CDIN1: variants seen among roughly 807,000 people sequenced by gnomAD.
The protein encoded by CDIN1 is CDAN1-interacting nuclease 1.
In CDIN1, 33 loss-of-function variants were observed where a neutral mutation model predicts 45.3. That is an observed-to-expected ratio of 0.73 (90% CI 0.55 to 0.97). The LOEUF (loss-of-function observed/expected upper bound fraction) is 0.97. Among genes scored for constraint, CDIN1 ranks in the 50% least tolerant of loss-of-function variants. CDIN1 has a pLI of 0.00. For missense variants in CDIN1, 303 were observed against 339.4 expected (o/e 0.89, Z 0.84); for synonymous variants, 118 against 124.4 (o/e 0.95, Z 0.34).
At chr15:36,582,758 A>T (rs2140153580) in intron 1 of CDIN1, among the ~76,000 whole-genome samples, 1 of 152,314 alleles carries the variant, frequency 6.6e-6, no homozygotes, top group East Asian at 1.9e-4. Context: ...ACAAATTTAA[A>T]AAAATTGTAC....
chr15:36,755,996 C>A, intron 10 of CDIN1: 1 of 452,396 alleles, frequency 2.2e-6, no homozygotes, highest in Middle Eastern at 3.3e-4. Context: ...GCCACACTTA[C>A]CAGGTCTTTA....
Position 36,705,409 on chromosome 15 carries a change from C to T in CDIN1, c.545-3814C>T, listed in dbSNP as rs1386287843. The stretch of plus-strand genomic sequence containing the variant: ...CCACTTTAAAAATATTACATTTGAT[C>T]AAATTTAAATATTTGCATAATTAAG... On this transcript the variant is annotated intron_variant, in intron 8 of 10. Coordinates refer to ENST00000566621, the MANE Select transcript of CDIN1 (RefSeq NM_001321759.2). 5 of 152,062 alleles carry T rather than the reference C, an allele frequency of 3.3e-5. No homozygotes were observed. In the South Asian group the frequency reaches 8.3e-4, roughly 25 times the overall value. The allele number at this position is 152,062 out of a possible 1,614,324, so 9.4% of individuals were successfully genotyped here. A position where few individuals can be genotyped will look rare whatever the true frequency, so the allele number is the denominator to read the frequency against.
intron 10 of CDIN1, among the ~76,000 whole-genome samples, chr15:36,774,775 C>T (rs1322273454): frequency 2.0e-5 from 3 of 152,006 alleles, no homozygotes; most frequent in South Asian, 4.1e-4. Flanking sequence ...CCAGGAGAAA[C>T]AAAGTGAGAT....
chr15:36,754,473 G>A (rs1341612014), intron 10 of CDIN1, among the ~76,000 whole-genome samples: 1 of 151,334 alleles, frequency 6.6e-6, no homozygotes, highest in African/African-American at 2.4e-5. Flanking sequence ...ATCTTTTTAT[G>A]GGGCAGCTAT....
chr15:36,619,546 GTATTTTTTC>G (rs1288314877), intron 1 of CDIN1, among the ~76,000 whole-genome samples: 6 of 147,920 alleles, frequency 4.1e-5, no homozygotes, highest in African/African-American at 1.3e-4. Flanking sequence ...CATATAAAGT[GTATTTTTTC>G]TATTTTTGTT....
chr15:36,779,386 C>T (rs1407888854), intron 10 of CDIN1, among the ~76,000 whole-genome samples: 2 of 152,088 alleles, frequency 1.3e-5, no homozygotes, highest in African/African-American at 4.8e-5. Flanking sequence ...TCATTTTTTT[C>T]CTTTGGTGTT....
chr15:36,618,705 TATGAGTACCA>T, intron 1 of CDIN1: 1 of 787,606 alleles, frequency 1.3e-6, no homozygotes, highest in Admixed American at 1.7e-5. Flanking sequence ...AGCAACTCAG[TATGAGTACCA>T]GTTCTCCATG....
intron 8 of CDIN1, among the ~76,000 whole-genome samples, chr15:36,704,037 G>C (rs1217578781): frequency 1.3e-5 from 2 of 152,036 alleles, no homozygotes; most frequent in Non-Finnish European, 2.9e-5. Context: ...ATGTTGATTT[G>C]TCCCTTCATC....
At chr15:36,787,250 A>G (rs1052955757) in intron 10 of CDIN1, among the ~76,000 whole-genome samples, 1 of 152,118 alleles carries the variant, frequency 6.6e-6, no homozygotes, top group East Asian at 1.9e-4. Flanking sequence ...TTACCCATAC[A>G]TGCTTCTCCA....
chr15:36,595,474 A>G (rs2140206928), intron 1 of CDIN1, among the ~76,000 whole-genome samples: 1 of 152,254 alleles, frequency 6.6e-6, no homozygotes, highest in Non-Finnish European at 1.5e-5. Flanking sequence ...AAAAGAAATT[A>G]CACCTTAGTG....
intron 10 of CDIN1, among the ~76,000 whole-genome samples, chr15:36,765,488 A>T (rs551370579): frequency 1.3e-5 from 2 of 152,208 alleles, no homozygotes; most frequent in African/African-American, 4.8e-5. Context: ...ATAAAAATAG[A>T]TCTATATCAA....
In CDIN1 at chr15:36,645,204, G is replaced by T. The variant is rs11073191; in HGVS notation, c.148-19G>T. The T allele has an allele frequency of 0.96, 1,479,158 of 1,543,190 alleles. 709,089 individuals are homozygous for T. Among genetic ancestry groups the T allele is most frequent in the East Asian group, 1 (40,802 of 40,842 alleles). On this transcript the variant is annotated intron_variant, in intron 2 of 10. Coordinates refer to ENST00000566621, the MANE Select transcript of CDIN1 (RefSeq NM_001321759.2). ...GACATATCAAAGATTTTTTTGTGTT[G>T]TTGTTTTTTTTCTTTCAGAAACACA...
intron 10 of CDIN1, among the ~76,000 whole-genome samples, chr15:36,735,620 C>CT (rs1330095247): frequency 6.6e-6 from 1 of 151,932 alleles, no homozygotes; most frequent in Non-Finnish European, 1.5e-5. Flanking sequence ...TCTTATTGCA[C>CT]TTTTAAAATT....
chr15:36,679,505 C>A (rs1163908216), intron 5 of CDIN1, among the ~76,000 whole-genome samples: 1 of 152,134 alleles, frequency 6.6e-6, no homozygotes, highest in East Asian at 1.9e-4. Flanking sequence ...GGCCTCGAAC[C>A]AAGTCTGTCT....
At chr15:36,808,074 T>C (rs2055286403) in intron 10 of CDIN1, among the ~76,000 whole-genome samples, 2 of 152,190 alleles carry the variant, frequency 1.3e-5, no homozygotes. Flanking sequence ...AAGGTAAGAT[T>C]CAGAGTTTCC....
intron 10 of CDIN1, among the ~76,000 whole-genome samples, chr15:36,742,605 A>G (rs906908550): frequency 1.3e-5 from 2 of 152,160 alleles, no homozygotes; most frequent in African/African-American, 4.8e-5. Flanking sequence ...CTGAGACCCC[A>G]ATGTGCTTGA....
intron 1 of CDIN1, among the ~76,000 whole-genome samples, chr15:36,599,122 T>TGGG (rs1237705709): frequency 4.7e-5 from 7 of 147,692 alleles, no homozygotes; most frequent in African/African-American, 1.8e-4. Context: ...TTTTTTTTTT[T>TGGG]GGGAGGGGAG....
intron 10 of CDIN1, among the ~76,000 whole-genome samples, chr15:36,781,138 T>A (rs1262232979): frequency 1.3e-5 from 2 of 152,184 alleles, no homozygotes; most frequent in Non-Finnish European, 2.9e-5. Flanking sequence ...TAGATGGTAA[T>A]ACAAAAGAAT....
At chr15:36,743,729 AAAT>A (rs76331454) in intron 10 of CDIN1, among the ~76,000 whole-genome samples, 1 of 151,972 alleles carries the variant, frequency 6.6e-6, no homozygotes, top group Non-Finnish European at 1.5e-5. Flanking sequence ...CCATCTCTAC[AAAT>A]AATAATATTA....
Sources: allele counts gnomAD v4.1 joint callset (sites outside exome capture counted in the v4.1 genomes callset), GRCh38; gene constraint gnomAD v4.1.1; transcripts MANE v1.5; gene names NCBI Gene and HGNC (gene_info 2026-07-23, HGNC 2026-07-21).